Variants in STK3 observed in about 807,000 individuals in gnomAD.
The protein encoded by STK3 is serine/threonine-protein kinase 3.
In STK3, 41 loss-of-function variants were observed where a neutral mutation model predicts 58.0. The observed-to-expected ratio is 0.71, with a 90% CI of 0.55 to 0.92. STK3 has a LOEUF of 0.92. Among genes scored for constraint, STK3 ranks in the 40% least tolerant of loss-of-function variants. STK3 has a pLI of 0.00. For synonymous variants in STK3, 170 were observed against 191.0 expected (o/e 0.89, Z 0.91); for missense variants, 479 against 602.7 (o/e 0.79, Z 2.15).
chr8:98,690,617 C>T (rs1464218877), intron 6 of STK3, among the ~76,000 whole-genome samples: 6 of 152,202 alleles, frequency 3.9e-5, no homozygotes, highest in African/African-American at 1.4e-4. Flanking sequence ...AATGGTCATA[C>T]TGCCCAAAGC....
At chr8:98,483,128 A>G (rs1404495774) in intron 10 of STK3, among the ~76,000 whole-genome samples, 1 of 152,198 alleles carries the variant, frequency 6.6e-6, no homozygotes, top group Non-Finnish European at 1.5e-5. Context: ...GCTGGGGCCA[A>G]GTCCAGAGTC....
chr8:98,804,159 G>A lies in STK3; in HGVS notation c.26+21356C>T, dbSNP rs559053641. On this transcript the variant is annotated intron_variant, in intron 1 of 10. Coordinates refer to ENST00000419617, the MANE Select transcript of STK3 (RefSeq NM_006281.4). ...TGGGATTACAGGTGTACACCACCAC[G>A]CCTGGCTAATTTTTGTATTTTTAGT... Among the ~76,000 whole-genome samples, 412 of 151,976 alleles carry A rather than the reference G, an allele frequency of 2.7e-3. 5 individuals carry two copies. The highest frequency in any genetic ancestry group is 9.2e-3 in the African/African-American group (381 of 41,438).
intron 7 of STK3, among the ~76,000 whole-genome samples, chr8:98,585,708 T>C (rs999796327): frequency 7.9e-5 from 12 of 152,196 alleles, no homozygotes; most frequent in African/African-American, 2.6e-4. Flanking sequence ...TTTCACGATA[T>C]TGATTCTTCC....
intron 8 of STK3, chr8:98,553,239 A>G (rs1462671165): frequency 6.6e-6 from 1 of 152,144 alleles, no homozygotes; most frequent in Non-Finnish European, 1.5e-5. Context: ...AGACACCCCA[A>G]GATTGAATTA....
At chr8:98,393,867 C>T (rs1455597079) in intron 3 of STK3, 6 of 152,108 alleles carry the variant, frequency 3.9e-5, no homozygotes, top group African/African-American at 1.4e-4. Flanking sequence ...AATTGTCAAC[C>T]TACAGAATCA....
At chr8:98,808,626 G>A (rs1834027810) in intron 1 of STK3, among the ~76,000 whole-genome samples, 1 of 152,026 alleles carries the variant, frequency 6.6e-6, no homozygotes, top group Admixed American at 6.6e-5. Context: ...TTCAGCTCTT[G>A]TGCAACAATT....
chr8:98,864,023 C>T (rs1215768901), intron 3 of STK3, among the ~76,000 whole-genome samples: 1 of 151,544 alleles, frequency 6.6e-6, no homozygotes, highest in Non-Finnish European at 1.5e-5. Flanking sequence ...AGTGAAACCC[C>T]GTCTCTACTA....
chr8:98,721,668 T>A (rs1267371525), intron 4 of STK3, among the ~76,000 whole-genome samples: 2 of 150,998 alleles, frequency 1.3e-5, no homozygotes, highest in African/African-American at 2.4e-5. Context: ...TTCACAAAAC[T>A]AAAAAAAAGA....
chr8:98,560,007 AC>A (rs1414167030), intron 8 of STK3, among the ~76,000 whole-genome samples: 1 of 152,066 alleles, frequency 6.6e-6, no homozygotes, highest in Non-Finnish European at 1.5e-5. Flanking sequence ...GTTCATGCAT[AC>A]CTCTATCACA....
At chr8:98,913,172 T>G (rs894742218) in intron 1 of STK3, among the ~76,000 whole-genome samples, 1 of 152,206 alleles carries the variant, frequency 6.6e-6, no homozygotes, top group African/African-American at 2.4e-5. Context: ...TGTTGTATTT[T>G]GAAAAACAAA....
chr8:98,584,451 G>T (rs1814283174), intron 7 of STK3, among the ~76,000 whole-genome samples: 1 of 151,568 alleles, frequency 6.6e-6, no homozygotes, highest in Admixed American at 6.6e-5. Context: ...TGGCTGCATA[G>T]TATTCCATGG....
At chr8:98,435,691 G>C (rs528058002) in intron 2 of STK3, among the ~76,000 whole-genome samples, 1 of 152,234 alleles carries the variant, frequency 6.6e-6, no homozygotes, top group South Asian at 2.1e-4. Flanking sequence ...CTGGGTTGGT[G>C]GCTGGATGGA....
At chr8:98,391,390 G>T (rs1817847659), upstream of STK3, 1 of 152,264 alleles carries the variant, frequency 6.6e-6, no homozygotes, top group African/African-American at 2.4e-5. Flanking sequence ...TTGGGGATCA[G>T]ATCCACACAT....
chr8:98,404,178 T>C (rs893895233), intron 3 of STK3, among the ~76,000 whole-genome samples: 7 of 152,216 alleles, frequency 4.6e-5, no homozygotes, highest in Non-Finnish European at 7.3e-5. Flanking sequence ...AGAAAAACTA[T>C]ATGCTGTCTC....
intron 4 of STK3, among the ~76,000 whole-genome samples, chr8:98,725,840 A>G (rs983445044): frequency 2.6e-5 from 4 of 152,128 alleles, no homozygotes; most frequent in African/African-American, 7.2e-5. Flanking sequence ...TTTTTTTCCC[A>G]CAAGAAAACA....
chr8:98,610,623 C>T (rs1221568832), intron 6 of STK3, among the ~76,000 whole-genome samples: 1 of 152,144 alleles, frequency 6.6e-6, no homozygotes, highest in Non-Finnish European at 1.5e-5. Flanking sequence ...GCAGTCTGTC[C>T]TAATGAGGAA....
chr8:98,827,683 T>C (rs1418829302), upstream of STK3, among the ~76,000 whole-genome samples: 1 of 151,974 alleles, frequency 6.6e-6, no homozygotes, highest in Non-Finnish European at 1.5e-5. Context: ...TTGAGACAGG[T>C]TCTCACTGTT....
chr8:98,736,064 C>T (rs549410513), intron 4 of STK3, among the ~76,000 whole-genome samples: 1 of 152,076 alleles, frequency 6.6e-6, no homozygotes, highest in South Asian at 2.1e-4. Context: ...CATGAAACAG[C>T]CAATACAAAT....
At chr8:98,653,368 A>C (rs1031883221) in intron 6 of STK3, among the ~76,000 whole-genome samples, 12 of 152,276 alleles carry the variant, frequency 7.9e-5, no homozygotes, top group African/African-American at 2.2e-4. Flanking sequence ...TAAATACCCA[A>C]AAGAGAAAGC....
Sources: allele counts gnomAD v4.1 joint callset (sites outside exome capture counted in the v4.1 genomes callset), GRCh38; gene constraint gnomAD v4.1.1; transcripts MANE v1.5; gene names NCBI Gene and HGNC (gene_info 2026-07-23, HGNC 2026-07-21).